TMEM150C: variants seen among roughly 807,000 people sequenced by gnomAD.
The protein encoded by TMEM150C is tentonin 3.
TMEM150C carries 10 observed loss-of-function variants against 29.9 expected under a neutral mutation model. That is an observed-to-expected ratio of 0.33 (90% CI 0.21 to 0.57). The LOEUF (loss-of-function observed/expected upper bound fraction) is 0.57, where lower values mean the gene tolerates loss of function less well. Ranked by LOEUF, TMEM150C falls within the 20% of genes least tolerant of loss-of-function variation. TMEM150C has a pLI of 0.88. For missense variants in TMEM150C, 251 were observed against 303.6 expected, an observed-to-expected ratio of 0.83 and a Z score of 1.29; for synonymous variants, 101 against 112.5, an observed-to-expected ratio of 0.90 and a Z score of 0.64.
At chr4:82,560,813 C>T (rs1023154477) in intron 1 of TMEM150C, among the ~76,000 whole-genome samples, 4 of 152,192 alleles carry the variant, frequency 2.6e-5, no homozygotes, top group African/African-American at 7.2e-5. Context: ...GAAACTGATC[C>T]TGCCATTTAG....
At position 82,501,096 on chromosome 4, in the gene TMEM150C, TAAATGCAAATGC is replaced by T. The variant is rs368191109; in HGVS notation, c.235+1619_235+1630del. ...TCACTCTTGGGGCTTTGTGCTCTGT[TAAATGCAAATGC>T]AAATGCAAATGCAAATGTTCCTTAG... On this transcript the variant is annotated intron_variant, in intron 5 of 7. Transcript: ENST00000449862. Among the ~76,000 whole-genome samples the T allele has an allele frequency of 2.1e-3, 313 of 152,388 alleles. 1 individual carries two copies. The highest frequency in any genetic ancestry group is 6.9e-3 in the African/African-American group (288 of 41,584).
At chr4:82,503,401 G>T (rs1002405869) in intron 2 of TMEM150C, among the ~76,000 whole-genome samples, 6 of 152,128 alleles carry the variant, frequency 3.9e-5, no homozygotes, top group Admixed American at 1.3e-4. Context: ...TAAAATTAGG[G>T]TTCAGTTTCT....
intron 1 of TMEM150C, among the ~76,000 whole-genome samples, chr4:82,547,707 A>T (rs1179318319): frequency 2.6e-5 from 4 of 152,232 alleles, no homozygotes; most frequent in African/African-American, 7.2e-5. Flanking sequence ...AAAACAACAG[A>T]TGTTGGCAAG....
chr4:82,537,453 T>C (rs1725048262), intron 1 of TMEM150C, among the ~76,000 whole-genome samples: 1 of 152,200 alleles, frequency 6.6e-6, no homozygotes, highest in Non-Finnish European at 1.5e-5. Flanking sequence ...TTTTACACCC[T>C]TTGGAAAACA....
At chr4:82,523,711 T>A (rs75245804) in intron 1 of TMEM150C, among the ~76,000 whole-genome samples, 8,549 of 151,524 alleles carry the variant, frequency 0.056, 797 homozygotes, top group African/African-American at 0.19. Flanking sequence ...TTTTTTTTTT[T>A]AAATAACTCA....
intron 5 of TMEM150C, among the ~76,000 whole-genome samples, chr4:82,498,662 T>A (rs1018333826): frequency 6.6e-6 from 1 of 152,158 alleles, no homozygotes; most frequent in African/African-American, 2.4e-5. Context: ...TGGGATAGGA[T>A]GGTGCTGGAA....
chr4:82,540,269 C>A (rs1214272959), intron 1 of TMEM150C, among the ~76,000 whole-genome samples: 3 of 151,012 alleles, frequency 2.0e-5, no homozygotes, highest in Non-Finnish European at 1.5e-5. Flanking sequence ...TGCCACCATG[C>A]CCGGCTAATT....
chr4:82,549,056 A>G (rs570966533), intron 1 of TMEM150C, among the ~76,000 whole-genome samples: 1 of 152,342 alleles, frequency 6.6e-6, no homozygotes, highest in South Asian at 2.1e-4. Context: ...AGATGGTGAT[A>G]AAGAAGAAGA....
chr4:82,544,345 G>A (rs2056185), intron 1 of TMEM150C, among the ~76,000 whole-genome samples: 2,460 of 152,278 alleles, frequency 0.016, 82 homozygotes, highest in African/African-American at 0.056. Context: ...TTAAGGAAGA[G>A]AAGTTTGATA....
intron 1 of TMEM150C, among the ~76,000 whole-genome samples, chr4:82,518,315 CAAA>C (rs146862487): frequency 7.3e-6 from 1 of 137,674 alleles, no homozygotes; most frequent in Non-Finnish European, 1.6e-5. Context: ...GACCCCATCT[CAAA>C]AAAAAAAAAA....
chr4:82,540,005 A>G (rs1246132500), intron 1 of TMEM150C, among the ~76,000 whole-genome samples: 1 of 151,592 alleles, frequency 6.6e-6, no homozygotes, highest in African/African-American at 2.4e-5. Context: ...GGAATTTGAC[A>G]GTGTTTCTAA....
intron 1 of TMEM150C, among the ~76,000 whole-genome samples, chr4:82,536,420 G>A (rs1006430506): frequency 2.0e-5 from 3 of 150,702 alleles, no homozygotes; most frequent in Non-Finnish European, 4.4e-5. Flanking sequence ...ATTTTTAAAC[G>A]GGGAAAAAAT....
At chr4:82,561,659 C>T (rs1405479584) in intron 1 of TMEM150C, among the ~76,000 whole-genome samples, 2 of 147,592 alleles carry the variant, frequency 1.4e-5, no homozygotes, top group African/African-American at 4.9e-5. Context: ...GCAGAGCCGG[C>T]ACCGACTCCT....
intron 1 of TMEM150C, among the ~76,000 whole-genome samples, chr4:82,542,897 G>A (rs1725240199): frequency 6.6e-6 from 1 of 152,212 alleles, no homozygotes; most frequent in African/African-American, 2.4e-5. Context: ...GTACTTCACG[G>A]TGTGAAGACC....
rs1434572513 is a variant in TMEM150C, at chr4:82,511,413, T to C, written c.-10-6746A>G. On this transcript the variant is annotated intron_variant, in intron 1 of 7. Transcript: ENST00000449862. ...CTATAGGACTATAGGGATCCTTTCA[T>C]GCCAGTGACCTAAGGATTCTTTTTC... 3.3e-5 allele frequency among the ~76,000 whole-genome samples: 5 copies of C among 151,638 alleles called. No homozygotes were observed. The East Asian group carries it at 9.6e-4, about 29-fold the overall frequency.
chr4:82,512,147 TC>T (rs1724147218), intron 1 of TMEM150C, among the ~76,000 whole-genome samples: 1 of 152,188 alleles, frequency 6.6e-6, no homozygotes, highest in African/African-American at 2.4e-5. Flanking sequence ...AGAATTTGCA[TC>T]CTTGATAGTG....
intron 1 of TMEM150C, among the ~76,000 whole-genome samples, chr4:82,557,104 TAAC>T (rs1430212969): frequency 2.6e-5 from 4 of 152,276 alleles, no homozygotes; most frequent in African/African-American, 9.6e-5. Flanking sequence ...ACAGTCTAAT[TAAC>T]AACATGTCCC....
chr4:82,543,621 A>T (rs909966618), intron 1 of TMEM150C, among the ~76,000 whole-genome samples: 1 of 152,250 alleles, frequency 6.6e-6, no homozygotes. Context: ...ACATTGAATG[A>T]AGAGGCTGTG....
chr4:82,522,773 T>A (rs1164495536), intron 1 of TMEM150C, among the ~76,000 whole-genome samples: 3 of 151,704 alleles, frequency 2.0e-5, no homozygotes, highest in Non-Finnish European at 4.4e-5. Flanking sequence ...AGGAGCTGGG[T>A]GGGGGGCTGT....
Sources: allele counts gnomAD v4.1 joint callset (sites outside exome capture counted in the v4.1 genomes callset), GRCh38; gene constraint gnomAD v4.1.1; transcripts MANE v1.5; gene names NCBI Gene and HGNC (gene_info 2026-07-23, HGNC 2026-07-21).